The following SH3RF3 variants were observed in gnomAD, a reference collection of about 807,000 sequenced individuals.
SH3RF3 encodes E3 ubiquitin-protein ligase SH3RF3.
SH3RF3 carries 29 observed loss-of-function variants against 66.3 expected under a neutral mutation model. The observed-to-expected ratio is 0.44, with a 90% CI of 0.33 to 0.60. The LOEUF (loss-of-function observed/expected upper bound fraction) is 0.60. SH3RF3 is among the 20% of genes least tolerant of loss of function. The probability of loss-of-function intolerance (pLI) is 0.04; values close to 1 mark genes in which losing one functional copy is unlikely to be tolerated. For missense variants in SH3RF3, 1,194 were observed against 1,190.9 expected (o/e 1.00, Z -0.04); for synonymous variants, 583 against 532.0 (o/e 1.10, Z -1.32).
intron 1 of SH3RF3, among the ~76,000 whole-genome samples, chr2:109,271,478 G>A (rs940573822): frequency 2.0e-5 from 3 of 152,202 alleles, no homozygotes; most frequent in Admixed American, 1.3e-4. Context: ...TCACTTTCCC[G>A]TAAATCAACG....
intron 4 of SH3RF3, among the ~76,000 whole-genome samples, chr2:109,413,314 A>G (rs1278572838): frequency 1.3e-5 from 2 of 152,146 alleles, no homozygotes; most frequent in Non-Finnish European, 2.9e-5. Context: ...GGGTTTCACC[A>G]TGTTGGCCAG....
chr2:109,436,927 A>G lies in SH3RF3; in HGVS notation c.1609A>G (p.Asn537Asp). 2.5e-6 allele frequency: 4 copies of G among 1,613,664 alleles called. No homozygotes were observed. Among genetic ancestry groups the G allele is most frequent in the Non-Finnish European group, 3.4e-6 (4 of 1,179,900 alleles). Residue 537 changes from asparagine (N) to aspartate (D), a missense_variant, in exon 7 of 10, where the codon AAT (asparagine) becomes GAT (aspartate). Coordinates refer to ENST00000309415, the MANE Select transcript of SH3RF3 (RefSeq NM_001099289.3). ...PAGGAGPPRN[N>D]VVGGSPLAKG... ...AGGAGGGGCAGGGCCGCCCCGGAAT[A>G]ATGTAGTCGGAGGGTCTCCACTGGC...
intron 3 of SH3RF3, among the ~76,000 whole-genome samples, chr2:109,376,298 G>A (rs975604910): frequency 2.0e-5 from 3 of 152,210 alleles, no homozygotes; most frequent in African/African-American, 7.2e-5. Flanking sequence ...CAGGTCCAGG[G>A]TGTGGACGCT....
At chr2:109,252,876 T>C (rs1430116353) in intron 1 of SH3RF3, among the ~76,000 whole-genome samples, 2 of 152,182 alleles carry the variant, frequency 1.3e-5, no homozygotes, top group East Asian at 1.9e-4. Flanking sequence ...GTTTGGGTAT[T>C]GTATTGTACC....
Position 109,490,822 on chromosome 2 carries a change from A to G in SH3RF3, c.2366A>G (p.Glu789Gly). ...GAGATGCAGGGTGCCATGGGGATGG[A>G]GCCTCTGCACAGGAAGGCAGGCTCC... ...ESEMQGAMGM[E>G]PLHRKAGSLD... The change falls in exon 9 of 10, where the codon GAG becomes GGG. Residue 789 changes from glutamate (E) to glycine (G), a missense_variant. Transcript: ENST00000309415. The G allele has an allele frequency of 6.5e-7, 1 of 1,536,974 alleles. No individual in the cohort carries two copies. Among genetic ancestry groups the G allele is most frequent in the South Asian group, 1.2e-5 (1 of 84,034 alleles).
rs560787900 is a variant in SH3RF3, at chr2:109,234,755, C to T, written c.573+104642C>T. Among the ~76,000 whole-genome samples, 9 of 152,280 alleles carry T rather than the reference C, an allele frequency of 5.9e-5. No homozygotes were observed. In the South Asian group the frequency reaches 6.2e-4, roughly 11 times the overall value. ...TTCTGTGTGGGAGCAGCACACACCA[C>T]GTTTATTTGCTGAAACAAATTACAT... On this transcript the variant is annotated intron_variant, in intron 1 of 9. Coordinates refer to ENST00000309415, the MANE Select transcript of SH3RF3 (RefSeq NM_001099289.3).
chr2:109,159,559 A>G (rs1488106903), intron 1 of SH3RF3, among the ~76,000 whole-genome samples: 1 of 152,224 alleles, frequency 6.6e-6, no homozygotes, highest in Non-Finnish European at 1.5e-5. Context: ...CAGTTGAGAA[A>G]TCTGGCTGTT....
intron 1 of SH3RF3, among the ~76,000 whole-genome samples, chr2:109,247,006 C>T (rs1046244906): frequency 1.3e-5 from 2 of 152,208 alleles, no homozygotes; most frequent in African/African-American, 2.4e-5. Context: ...TCTTTCTGGT[C>T]GGACCCTCAC....
chr2:109,179,057 GTC>G (rs1307861344), intron 1 of SH3RF3, among the ~76,000 whole-genome samples: 4 of 132,950 alleles, frequency 3.0e-5, no homozygotes, highest in Non-Finnish European at 6.8e-5. Context: ...CAGAATGAGA[GTC>G]TGTAAGTAAA....
intron 1 of SH3RF3, among the ~76,000 whole-genome samples, chr2:109,342,431 G>T (rs1166806284): frequency 6.6e-6 from 1 of 152,230 alleles, no homozygotes; most frequent in Non-Finnish European, 1.5e-5. Flanking sequence ...GAGCAAAACA[G>T]GCGAGAATCT....
intron 1 of SH3RF3, among the ~76,000 whole-genome samples, chr2:109,313,193 G>T (rs1370037889): frequency 1.8e-4 from 27 of 152,218 alleles, no homozygotes; most frequent in Admixed American, 1.8e-3. Flanking sequence ...CCTGGAAAGG[G>T]GTTAGGGAGC....
chr2:109,453,868 T>C (rs1322406901), intron 8 of SH3RF3, among the ~76,000 whole-genome samples: 1 of 152,126 alleles, frequency 6.6e-6, no homozygotes, highest in Non-Finnish European at 1.5e-5. Flanking sequence ...GGGAGGATCC[T>C]TGGCTGAGGG....
At chr2:109,174,915 A>C (rs780120136) in intron 1 of SH3RF3, among the ~76,000 whole-genome samples, 5 of 152,184 alleles carry the variant, frequency 3.3e-5, no homozygotes, top group Non-Finnish European at 5.9e-5. Flanking sequence ...TCTAGCACTG[A>C]TGTCATCTAA....
chr2:109,372,718 T>TA (rs2105687986), intron 3 of SH3RF3, among the ~76,000 whole-genome samples: 1 of 152,264 alleles, frequency 6.6e-6, no homozygotes, highest in South Asian at 2.1e-4. Context: ...TCTCACACCA[T>TA]ATCCTGCCTC....
chr2:109,391,370 A>C (rs960012616), intron 3 of SH3RF3, among the ~76,000 whole-genome samples: 11 of 152,200 alleles, frequency 7.2e-5, no homozygotes, highest in Non-Finnish European at 1.5e-5. Context: ...GGAAAGGCAC[A>C]TCTGCCATGT....
chr2:109,242,171 G>A (rs531647674), intron 1 of SH3RF3, among the ~76,000 whole-genome samples: 4 of 152,250 alleles, frequency 2.6e-5, no homozygotes, highest in Admixed American at 2.6e-4. Context: ...TCTTGTCTGT[G>A]TTGGTGTCCT....
intron 3 of SH3RF3, among the ~76,000 whole-genome samples, chr2:109,381,388 C>G (rs1675662460): frequency 6.6e-6 from 1 of 152,204 alleles, no homozygotes; most frequent in African/African-American, 2.4e-5. Context: ...TACTTTTACA[C>G]CTAACTTTAG....
At chr2:109,480,811 C>T (rs1035004013) in intron 8 of SH3RF3, among the ~76,000 whole-genome samples, 3 of 152,198 alleles carry the variant, frequency 2.0e-5, no homozygotes, top group African/African-American at 7.2e-5. Flanking sequence ...CTCCGGCTCT[C>T]TCTAGCTGGG....
chr2:109,214,060 C>T (rs1264083387), intron 1 of SH3RF3, among the ~76,000 whole-genome samples: 1 of 152,072 alleles, frequency 6.6e-6, no homozygotes, highest in African/African-American at 2.4e-5. Flanking sequence ...AAATGGAGGG[C>T]AGGCAGTGGT....
Sources: allele counts gnomAD v4.1 joint callset (sites outside exome capture counted in the v4.1 genomes callset), GRCh38; gene constraint gnomAD v4.1.1; transcripts MANE v1.5; gene names NCBI Gene and HGNC (gene_info 2026-07-23, HGNC 2026-07-21).